Variants in FRAS1 observed in about 807,000 individuals in gnomAD.
The protein encoded by FRAS1 is extracellular matrix organizing protein FRAS1.
A neutral mutation model predicts 435.2 loss-of-function variants in FRAS1; 290 were observed. The observed-to-expected ratio is 0.67, with a 90% confidence interval of 0.61 to 0.73. FRAS1 has a LOEUF of 0.73. Ranked by LOEUF, FRAS1 falls within the 30% of genes least tolerant of loss-of-function variation. The pLI is 0.00. For missense variants in FRAS1, 4,860 were observed against 5,001.5 expected (o/e 0.97, Z 0.85); for synonymous variants, 1,800 against 1,851.0 (o/e 0.97, Z 0.71).
intron 2 of FRAS1, among the ~76,000 whole-genome samples, chr4:78,141,942 T>C (rs979441257): frequency 2.0e-5 from 3 of 151,958 alleles, no homozygotes; most frequent in Admixed American, 6.6e-5. Flanking sequence ...TATGAGGATG[T>C]AAAGGCCTAA....
At chr4:78,375,063 C>T (rs1731702627) in intron 25 of FRAS1, among the ~76,000 whole-genome samples, 1 of 152,100 alleles carries the variant, frequency 6.6e-6, no homozygotes. Flanking sequence ...CTCTCTATAA[C>T]AAAATCTCAA....
chr4:78,120,699 G>C (rs1263784407), intron 2 of FRAS1, among the ~76,000 whole-genome samples: 4 of 152,196 alleles, frequency 2.6e-5, no homozygotes, highest in African/African-American at 4.8e-5. Context: ...GCACACTCTT[G>C]TGGGTAGCAG....
At chr4:78,328,304 C>T (rs542962789) in intron 18 of FRAS1, among the ~76,000 whole-genome samples, 95 of 152,274 alleles carry the variant, frequency 6.2e-4, no homozygotes, top group African/African-American at 2.2e-3. Context: ...CAGTGATACA[C>T]TTTGATTTCC....
chr4:78,455,558 C>T lies in FRAS1; in HGVS notation c.6763+3204C>T, dbSNP rs1719165972. ...GAATCACTGGTGCTGCAGACACCCTCCTGATTGTTAACTGGGAAATAGACT... is the reference window on the plus strand; with the variant it reads ...GAATCACTGGTGCTGCAGACACCCTTCTGATTGTTAACTGGGAAATAGACT... On this transcript the variant is annotated intron_variant, in intron 47 of 73. Coordinates refer to ENST00000512123, the MANE Select transcript of FRAS1 (RefSeq NM_025074.7). 2.0e-5 allele frequency among the ~76,000 whole-genome samples: 3 copies of T among 152,278 alleles called. No individual in the cohort carries two copies. In the South Asian group the frequency reaches 6.2e-4, roughly 32 times the overall value.
chr4:78,181,229 A>T, intron 2 of FRAS1: 3 of 1,609,520 alleles, frequency 1.9e-6, no homozygotes, highest in Non-Finnish European at 2.6e-6. Flanking sequence ...ATCCAAAGTC[A>T]TCTCTTTTGG....
At chr4:78,284,734 C>G (rs1727501673) in intron 13 of FRAS1, among the ~76,000 whole-genome samples, 186 bp downstream of exon 13, 2 of 152,166 alleles carry the variant, frequency 1.3e-5, no homozygotes, top group South Asian at 4.1e-4. Context: ...TACTTGCCCT[C>G]TCTACCTGCA....
At position 78,066,002 on chromosome 4, in the gene FRAS1, GA is replaced by G. The variant is rs764836394; in HGVS notation, c.95del (p.Asp32ValfsTer47). On this transcript the variant is annotated frameshift_variant, in exon 2 of 74. Transcript: ENST00000512123. LOFTEE classifies it high-confidence loss of function. The stretch of plus-strand genomic sequence containing the variant: ...CCCCACAGGTGCTTGTGTCTATCAG[GA>G]TTCCTTGTTGGCGGTAGGTCATTCT... Reference protein sequence around the residue: ...HHSEGACVYQDSLLADATIWK... With the variant: ...HHSEGACVYQXSLLADATIWK... 1.2e-6 allele frequency: 2 copies of G among 1,607,992 alleles called. No homozygotes were observed. Among genetic ancestry groups the G allele is most frequent in the East Asian group, 2.2e-5 (1 of 44,806 alleles).
chr4:78,130,371 G>T (rs1471994445), intron 2 of FRAS1, among the ~76,000 whole-genome samples: 1 of 152,142 alleles, frequency 6.6e-6, no homozygotes, highest in Non-Finnish European at 1.5e-5. Flanking sequence ...ACTAACAACT[G>T]CATTTGTGTG....
At chr4:78,345,485 T>G (rs1002084450) in intron 20 of FRAS1, among the ~76,000 whole-genome samples, 2 of 152,196 alleles carry the variant, frequency 1.3e-5, no homozygotes, top group Non-Finnish European at 2.9e-5. Flanking sequence ...CTCCTCTTTT[T>G]CAACTTCCTC....
chr4:78,446,804 T>C lies in FRAS1; in HGVS notation c.5934T>C (p.Asn1978=). Reference sequence around the variant, plus strand: ...TGAGCTCGGGAGTGGTGATAAGCAATTCTTCTTTGAGCCTGCAAGACCTGG... The same window carrying C: ...TGAGCTCGGGAGTGGTGATAAGCAACTCTTCTTTGAGCCTGCAAGACCTGG... ...VQLSSGVVIS[N]SSLSLQDLDT... Residue 1978 remains asparagine, a synonymous_variant, in exon 43 of 74, where the codon AAT becomes AAC. Transcript: ENST00000512123. 6.2e-7 allele frequency: 1 copy of C among 1,613,348 alleles called. No homozygotes were observed. The highest frequency in any genetic ancestry group is 1.1e-5 in the South Asian group (1 of 90,880).
chr4:78,128,412 C>T (rs2109977727), intron 2 of FRAS1, among the ~76,000 whole-genome samples: 1 of 152,310 alleles, frequency 6.6e-6, no homozygotes. Flanking sequence ...TCTCCAGCAC[C>T]TGTTGTTTCC....
At chr4:78,296,228 G>C (rs941825359) in intron 14 of FRAS1, among the ~76,000 whole-genome samples, 2 of 151,514 alleles carry the variant, frequency 1.3e-5, no homozygotes, top group Non-Finnish European at 2.9e-5. Flanking sequence ...AGCTTTTGAT[G>C]ATGCTGAAGA....
At chr4:78,190,907 A>C (rs1350188143) in intron 2 of FRAS1, among the ~76,000 whole-genome samples, 1 of 152,188 alleles carries the variant, frequency 6.6e-6, no homozygotes, top group African/African-American at 2.4e-5. Flanking sequence ...AAAACAACAA[A>C]AGATGTAATT....
Position 78,537,125 on chromosome 4 carries a change from G to T in FRAS1, c.11223G>T (p.Gly3741=), listed in dbSNP as rs775712153. Residue 3741 remains glycine (G), a synonymous_variant, in exon 72 of 74, where the codon GGG becomes GGT. Coordinates refer to ENST00000512123, the MANE Select transcript of FRAS1 (RefSeq NM_025074.7). The part of the protein sequence containing the change: ...DGYVPFFDPT[G]TIYNEGPQYG... ...ATGTGCCTTTCTTTGATCCCACGGG[G>T]ACAATCTACAATGAAGGGCCCCAGT... 2 of 1,613,852 alleles carry T rather than the reference G, an allele frequency of 1.2e-6. No homozygotes were observed. The highest frequency in any genetic ancestry group is 1.3e-5 in the African/African-American group (1 of 74,922).
At chr4:78,307,972 C>A in intron 14 of FRAS1, 94 bp from the exon 15 acceptor site, 1 of 1,278,304 alleles carries the variant, frequency 7.8e-7, no homozygotes, top group Non-Finnish European at 1.1e-6. Context: ...AACCAACTGA[C>A]ATCCTCCTTG....
chr4:78,400,987 C>A, intron 30 of FRAS1, 100 bp downstream of exon 30: 1 of 1,073,296 alleles, frequency 9.3e-7, no homozygotes, highest in South Asian at 1.7e-5. Flanking sequence ...TTCCAATGAA[C>A]TGAGCTTTCT....
intron 30 of FRAS1, among the ~76,000 whole-genome samples, chr4:78,405,297 A>G (rs953445493): frequency 6.6e-6 from 1 of 152,140 alleles, no homozygotes; most frequent in Non-Finnish European, 1.5e-5. Flanking sequence ...TTCTTTCACA[A>G]TATTTTGCAA....
intron 10 of FRAS1, among the ~76,000 whole-genome samples, chr4:78,280,570 T>A (rs1321218810): frequency 6.7e-6 from 1 of 149,330 alleles, no homozygotes; most frequent in East Asian, 2.1e-4. Flanking sequence ...GGTAAACTGA[T>A]TCCTCCATAC....
At chr4:78,292,199 T>C (rs1458371550) in intron 14 of FRAS1, among the ~76,000 whole-genome samples, 4 of 152,226 alleles carry the variant, frequency 2.6e-5, no homozygotes, top group Middle Eastern at 3.2e-3. Flanking sequence ...TAATGTCTCA[T>C]CTAAATAAAA....
Sources: gnomAD v4.1 joint callset for allele counts (sites outside exome capture counted in the v4.1 genomes callset) on GRCh38, gnomAD v4.1.1 for gene constraint, MANE v1.5 for transcripts, NCBI Gene and HGNC (gene_info 2026-07-23, HGNC 2026-07-21) for gene names.